The following PKD1 variants were observed in gnomAD, a reference collection of about 807,000 sequenced individuals.
PKD1 encodes polycystin-1.
Under a neutral mutation model 361.7 loss-of-function variants are expected in PKD1, and 81 were observed. The ratio of observed to expected loss-of-function variants is 0.22; its 90% CI spans 0.19 to 0.27. The LOEUF (loss-of-function observed/expected upper bound fraction) is 0.27, where lower values mean the gene tolerates loss of function less well. Among genes scored for constraint, PKD1 ranks in the 10% least tolerant of loss-of-function variants. The pLI is 1.00. For synonymous variants in PKD1, 3,615 were observed against 2,818.3 expected (o/e 1.28, Z -8.95); for missense variants, 6,399 against 6,118.3 (o/e 1.05, Z -1.53).
In PKD1 at chr16:2,112,811, G is replaced by A; in HGVS notation, c.3138C>T (p.Asp1046=). 6.3e-7 allele frequency: 1 copy of A among 1,599,038 alleles called. No individual in the cohort carries two copies. The highest frequency in any genetic ancestry group is 8.5e-7 in the Non-Finnish European group (1 of 1,179,572). Residue 1046 remains aspartate, a synonymous_variant, in exon 13 of 46, where the codon GAC becomes GAT. Transcript: ENST00000262304. ...ACAGGAAGGCCACCTCCACGGCCGA[G>A]TCCACCAGCACGCCCGCCGTCAGTG... The part of the protein sequence containing the change: ...TLALTAGVLV[D]SAVEVAFLWT...
chr16:2,107,239 T>C (rs2092371337), intron 16 of PKD1: 2 of 494,520 alleles, frequency 4.0e-6, no homozygotes, highest in Non-Finnish European at 7.5e-6. Context: ...GGGGGATGCG[T>C]GTGAGAAGAG....
intron 21 of PKD1, 60 bp downstream of exon 21, chr16:2,105,262 G>A (rs2092298178): frequency 4.5e-6 from 7 of 1,566,350 alleles, no homozygotes; most frequent in Admixed American, 1.7e-5. Flanking sequence ...TGCCCTGGGG[G>A]GCTGAACCCA....
At chr16:2,126,950 A>C (rs1385884708) in intron 1 of PKD1, among the ~76,000 whole-genome samples, 2 of 152,186 alleles carry the variant, frequency 1.3e-5, no homozygotes, top group African/African-American at 4.8e-5. Context: ...CTGTCACCAG[A>C]TGGTGGCCAG....
Position 2,090,792 on chromosome 16 carries a change from C to T in PKD1, c.12020G>A (p.Arg4007His). The change falls in exon 44 of 46, where the codon CGC becomes CAC. Residue 4007 changes from arginine to histidine, a missense_variant. Physicochemically the swap from Arg to His is conservative, Grantham distance 29. Coordinates refer to ENST00000262304, the MANE Select transcript of PKD1 (RefSeq NM_001009944.3). ...AAAGACGGACCACTGGCGCACGAAG[C>T]GTAGCTGCTGGGCAGCCTGCGGACG... Reference protein sequence around the residue: ...LLLVKAAQQLRFVRQWSVFGK... With the variant: ...LLLVKAAQQLHFVRQWSVFGK... 4.3e-6 allele frequency: 7 copies of T among 1,612,522 alleles called. No homozygotes were observed. Among genetic ancestry groups the T allele is most frequent in the East Asian group, 2.2e-5 (1 of 44,868 alleles).
rs570784945 is a variant in PKD1 at position 2,088,870 on chromosome 16, C to CGT, written c.*855_*856dup. The CGT allele has an allele frequency of 1.0e-5, 5 of 500,144 alleles. No individual in the cohort carries two copies. The highest frequency in any genetic ancestry group is 1.1e-3 in the Middle Eastern group (2 of 1,836). The allele number at this position is 500,144 out of a possible 1,614,324, so 31.0% of individuals were successfully genotyped here. On this transcript the variant is annotated 3_prime_UTR_variant, in exon 46 of 46. Transcript: ENST00000262304. ...GCCTGGGCCATACAGCACACTCGCG[C>CGT]GTGCGCGCGCGCACACACACACACA... is the stretch of plus-strand genomic sequence containing the variant.
chr16:2,123,235 G>A, intron 1 of PKD1, among the ~76,000 whole-genome samples: 1 of 152,152 alleles, frequency 6.6e-6, no homozygotes, highest in Non-Finnish European at 1.5e-5. Context: ...CAGAAATGCA[G>A]CAAGGTCTTG....
chr16:2,110,715 C>G lies in PKD1; in HGVS notation c.4452G>C (p.Pro1484=), dbSNP rs201988915. 44 of 1,609,918 alleles carry G rather than the reference C, an allele frequency of 2.7e-5. No individual in the cohort carries two copies. The highest frequency in any genetic ancestry group is 3.3e-5 in the Non-Finnish European group (39 of 1,179,460). ...NGSLGLELQQ[P]YLFSAVGRGR... ...CACGGCCCACAGCAGAGAACAGGTA[C>G]GGCTGCTGCAGCTCCAGCCCAAGGG... The change falls in exon 15 of 46, where the codon CCG becomes CCC. Residue 1484 remains proline (P), a synonymous_variant. Transcript: ENST00000262304.
chr16:2,133,695 C>T (rs1467773680), intron 1 of PKD1, among the ~76,000 whole-genome samples: 2 of 152,086 alleles, frequency 1.3e-5, no homozygotes, highest in Non-Finnish European at 1.5e-5. Context: ...CTCCCAGCGG[C>T]GGCCCCAGGT....
In PKD1 at chr16:2,129,732, T is replaced by C. The variant is rs2092845697; in HGVS notation, c.215+5743A>G. Among the ~76,000 whole-genome samples, 3 of 151,416 alleles carry C rather than the reference T, an allele frequency of 2.0e-5. 1 individual carries two copies. In the South Asian group the frequency reaches 6.3e-4, roughly 32 times the overall value. On this transcript the variant is annotated intron_variant, in intron 1 of 45. Transcript: ENST00000262304. ...GCCCGGCCAATGTTCTTTTATTTTT[T>C]AGAGACCGGGGTCTCACCCTGTTGC...
chr16:2,107,008 G>A (rs1333071073), intron 16 of PKD1, 60 bp from the exon 17 acceptor site: 14 of 1,524,800 alleles, frequency 9.2e-6, no homozygotes, highest in African/African-American at 4.2e-5. Flanking sequence ...GAAGGACTGG[G>A]GGACCCATGG....
chr16:2,091,025 G>C lies in PKD1; in HGVS notation c.11862C>G (p.Ala3954=). 6.5e-7 allele frequency: 1 copy of C among 1,532,414 alleles called. No homozygotes were observed. The highest frequency in any genetic ancestry group is 8.7e-7 in the Non-Finnish European group (1 of 1,145,010). 94.9% of individuals were successfully genotyped at this position (1,532,414 alleles called of 1,614,324 possible). ...ACTGGCGGTCAGCGGCACCCAGCTGGGCGAGGCGTACCAGTGCCGTGGCCG... is the reference window on the plus strand; with the variant it reads ...ACTGGCGGTCAGCGGCACCCAGCTGCGCGAGGCGTACCAGTGCCGTGGCCG... ...LTAATALVRL[A]QLGAADRQWT... The change falls in exon 43 of 46, where the codon GCC becomes GCG. Residue 3954 remains alanine, a synonymous_variant. Coordinates refer to ENST00000262304, the MANE Select transcript of PKD1 (RefSeq NM_001009944.3).
In PKD1 at chr16:2,111,681, G is replaced by A. The variant is rs144211349; in HGVS notation, c.3486C>T (p.Asp1162=). The part of the protein sequence containing the change: ...PSPGGVLYTW[D]FGDGSPVLTQ... The stretch of plus-strand genomic sequence containing the variant: ...TCAGGACAGGGGAGCCGTCCCCGAA[G>A]TCCCACGTGTAAAGAACACCCCCAG... Residue 1162 remains aspartate, a synonymous_variant, in exon 15 of 46, where the codon GAC becomes GAT. Coordinates refer to ENST00000262304, the MANE Select transcript of PKD1 (RefSeq NM_001009944.3). 6.3e-7 allele frequency: 1 copy of A among 1,578,854 alleles called. No homozygotes were observed. Among genetic ancestry groups the A allele is most frequent in the East Asian group, 2.3e-5 (1 of 43,274 alleles).
chr16:2,093,765 T>C (rs1483387385), intron 36 of PKD1, 27 bp from the exon 37 acceptor site: 17 of 1,562,972 alleles, frequency 1.1e-5, no homozygotes, highest in Non-Finnish European at 1.4e-5. Context: ...TTCAGAGGGG[T>C]CCCCCGTGAT....
chr16:2,126,004 TG>T (rs796406284), intron 1 of PKD1, among the ~76,000 whole-genome samples: 2,439 of 138,838 alleles, frequency 0.018, 28 homozygotes, highest in African/African-American at 0.033. Flanking sequence ...AAGAGGATGG[TG>T]GGGGGGGGGG....
In PKD1 at chr16:2,109,080, C is replaced by A. The variant is rs764139050; in HGVS notation, c.6087G>T (p.Thr2029=). The A allele has an allele frequency of 3.7e-6, 6 of 1,604,278 alleles. No homozygotes were observed. The African/African-American group carries it at 4.0e-5, about 11-fold the overall frequency. Reference sequence around the variant, plus strand: ...TCTCCAACAGCCCCGCGGCCACGGGCGTGTAGGTGACGTCGCGGCCCGACA... The same window carrying A: ...TCTCCAACAGCCCCGCGGCCACGGGAGTGTAGGTGACGTCGCGGCCCGACA... ...VILSGRDVTY[T]PVAAGLLEIQ... Residue 2029 remains threonine, a synonymous_variant, in exon 15 of 46, where the codon ACG becomes ACT. Coordinates refer to ENST00000262304, the MANE Select transcript of PKD1 (RefSeq NM_001009944.3).
intron 11 of PKD1, 56 bp from the exon 12 acceptor site, chr16:2,113,348 T>G (rs1445080034): frequency 5.7e-6 from 9 of 1,581,974 alleles, no homozygotes; most frequent in Non-Finnish European, 7.7e-6. Context: ...CCTTAGCCTG[T>G]CGCCTCCTGG....
chr16:2,097,307 AC>A lies in PKD1; in HGVS notation c.10405+11del. On this transcript the variant is annotated intron_variant, in intron 33 of 45. Transcript: ENST00000262304. ...GTGAGCTTCAGAGCCCCCTCCTCTC[AC>A]CCCAGCTCACCTGATGCTGAGAAGG... 1 of 1,612,312 alleles carries A rather than the reference AC, an allele frequency of 6.2e-7. No homozygotes were observed.
chr16:2,098,098 C>T lies in PKD1; in HGVS notation c.10051-114G>A, dbSNP rs3874643. The T allele has an allele frequency of 2.8e-4, 186 of 673,044 alleles. No individual in the cohort carries two copies. The Admixed American group carries it at 3.7e-3, about 13-fold the overall frequency. 41.7% of individuals were successfully genotyped at this position (673,044 alleles called of 1,614,324 possible). On this transcript the variant is annotated intron_variant, in intron 30 of 45. Transcript: ENST00000262304. The stretch of plus-strand genomic sequence containing the variant: ...AGCCCGGTGCCATCTGACAGAATGT[C>T]CTAGAATGCTGGATATATGGGACAT...
intron 1 of PKD1, among the ~76,000 whole-genome samples, chr16:2,122,033 C>T (rs368668631): frequency 1.5e-4 from 23 of 152,370 alleles, no homozygotes; most frequent in African/African-American, 5.0e-4. Flanking sequence ...GCAGGAGAGA[C>T]GCACACACAG....
Sources: gnomAD v4.1 joint callset for allele counts (sites outside exome capture counted in the v4.1 genomes callset) on GRCh38, gnomAD v4.1.1 for gene constraint, MANE v1.5 for transcripts, NCBI Gene and HGNC (gene_info 2026-07-23, HGNC 2026-07-21) for gene names.